CACNA1C: variants seen among roughly 807,000 people sequenced by gnomAD.
CACNA1C encodes voltage-dependent L-type calcium channel subunit alpha-1C.
A neutral mutation model predicts 229.0 loss-of-function variants in CACNA1C; 30 were observed. The observed-to-expected ratio is 0.13, with a 90% CI of 0.10 to 0.18. The LOEUF (loss-of-function observed/expected upper bound fraction) is 0.18, where lower values mean the gene tolerates loss of function less well. Ranked by LOEUF, CACNA1C falls within the 10% of genes least tolerant of loss-of-function variation. The probability of loss-of-function intolerance (pLI) is 1.00; values close to 1 mark genes in which losing one functional copy is unlikely to be tolerated. For missense variants in CACNA1C, 1,658 were observed against 2,845.0 expected (o/e 0.58, Z 9.49); for synonymous variants, 1,114 against 1,132.5 (o/e 0.98, Z 0.33).
intron 13 of CACNA1C, among the ~76,000 whole-genome samples, chr12:2,568,389 C>T (rs778005300): frequency 1.4e-4 from 21 of 152,100 alleles, no homozygotes; most frequent in Admixed American, 4.6e-4. Context: ...GTGCAGCCAC[C>T]GTGGGAAATG....
intron 8 of CACNA1C, among the ~76,000 whole-genome samples, chr12:2,507,061 A>T (rs1055003350): frequency 6.6e-6 from 1 of 152,202 alleles, no homozygotes; most frequent in Non-Finnish European, 1.5e-5. Flanking sequence ...CCAAACCTGG[A>T]GCTTAGTAAT....
Position 1,999,318 on chromosome 12 carries a change from A to G in CACNA1C, c.139+28117A>G, listed in dbSNP as rs1189602318. On this transcript the variant is annotated intron_variant, in intron 1 of 46. Coordinates refer to the CACNA1C transcript ENST00000682462. Reference sequence around the variant, plus strand: ...CAAAATCCATTATGGCACAAATCATATCAAGCTATTATCAAGAGTAAATGG... The same window carrying G: ...CAAAATCCATTATGGCACAAATCATGTCAAGCTATTATCAAGAGTAAATGG... Among the ~76,000 whole-genome samples, 4 of 152,270 alleles carry G rather than the reference A, an allele frequency of 2.6e-5. No individual in the cohort carries two copies. The East Asian group carries it at 7.7e-4, about 29-fold the overall frequency.
At chr12:2,470,246 A>G (rs1040545256) in intron 5 of CACNA1C, among the ~76,000 whole-genome samples, 1 of 152,216 alleles carries the variant, frequency 6.6e-6, no homozygotes, top group African/African-American at 2.4e-5. Flanking sequence ...CACAAGAGAC[A>G]AGAGGGCTTC....
At chr12:2,062,404 G>A (rs948716524) in intron 1 of CACNA1C, among the ~76,000 whole-genome samples, 1 of 152,218 alleles carries the variant, frequency 6.6e-6, no homozygotes, top group African/African-American at 2.4e-5. Context: ...TTGGGGCTGG[G>A]AATTAAATTC....
rs1430291291 is a variant in CACNA1C, at chr12:2,677,669, T to G, written c.4957-64T>G. On this transcript the variant is annotated intron_variant, in intron 40 of 46. Transcript: ENST00000399655. The surrounding 1 kb of genome is among the most constrained non-coding windows in gnomAD (Gnocchi z 7.4). ...AGGGACAGGTCTTGGCCCGAGGCTG[T>G]GGCTGGCTGGGGAGCTTGGAGGAAA... 1 of 1,564,606 alleles carries G rather than the reference T, an allele frequency of 6.4e-7. No individual in the cohort carries two copies. Among genetic ancestry groups the G allele is most frequent in the African/African-American group, 1.4e-5 (1 of 73,674 alleles).
intron 9 of CACNA1C, among the ~76,000 whole-genome samples, chr12:2,536,405 G>T (rs1021739684): frequency 6.6e-6 from 1 of 152,160 alleles, no homozygotes; most frequent in African/African-American, 2.4e-5. Context: ...TCCGTGATGT[G>T]CATCAATGGT....
chr12:2,503,260 C>T (rs74053462), intron 7 of CACNA1C, among the ~76,000 whole-genome samples: 10,566 of 152,206 alleles, frequency 0.069, 1,248 homozygotes, highest in African/African-American at 0.24. Flanking sequence ...AGCTGTTCGT[C>T]CGTGGGCCAC....
intron 4 of CACNA1C, among the ~76,000 whole-genome samples, chr12:2,450,718 C>T (rs1040102079): frequency 7.9e-5 from 12 of 152,074 alleles, no homozygotes; most frequent in African/African-American, 2.9e-4. Flanking sequence ...CAAGTGGCTG[C>T]CACCTTGGAC....
In CACNA1C at chr12:2,029,301, A is replaced by G. The variant is rs2047839257; in HGVS notation, c.139+58100A>G. On this transcript the variant is annotated intron_variant, in intron 1 of 46. Transcript: ENST00000682462. The surrounding 1 kb of genome is among the most constrained non-coding windows in gnomAD (Gnocchi z 4.9). ...AAAATTGAGGTGTGATTCATTTCAC[A>G]TAAAATTAACCTGTGTACAATGTGA... is the stretch of plus-strand genomic sequence containing the variant. 6.6e-6 allele frequency among the ~76,000 whole-genome samples: 1 copy of G among 152,198 alleles called. No homozygotes were observed. The highest frequency in any genetic ancestry group is 2.1e-4 in the South Asian group (1 of 4,818).
At chr12:2,528,790 C>T (rs915515111) in intron 9 of CACNA1C, among the ~76,000 whole-genome samples, 5 of 152,126 alleles carry the variant, frequency 3.3e-5, no homozygotes, top group African/African-American at 9.7e-5. Context: ...AAAGTGAGGC[C>T]GTCGGTTATC....
At chr12:2,464,577 G>T (rs1468468788) in intron 5 of CACNA1C, among the ~76,000 whole-genome samples, 1 of 152,174 alleles carries the variant, frequency 6.6e-6, no homozygotes, top group Non-Finnish European at 1.5e-5. Context: ...TTTAATCCTG[G>T]TTAATGTGAT....
upstream of CACNA1C, among the ~76,000 whole-genome samples, chr12:2,052,566 C>CG (rs1565385344): frequency 6.8e-6 from 1 of 146,354 alleles, no homozygotes; most frequent in African/African-American, 2.5e-5. Context: ...CAGGCCGGCG[C>CG]GGGGGGCGCG....
At position 2,379,742 on chromosome 12, in the gene CACNA1C, A is replaced by G. The variant is rs925155379; in HGVS notation, c.478-69234A>G. Among the ~76,000 whole-genome samples the G allele has an allele frequency of 3.4e-4, 52 of 152,162 alleles. 1 individual carries two copies. Among genetic ancestry groups the G allele is most frequent in the Non-Finnish European group, 5.9e-5 (4 of 68,038 alleles). ...TGATGCGGGACATAATAATATAAATAAAGACATGGCCGGGCGCGGTGGCTC... is the reference window on the plus strand; with the variant it reads ...TGATGCGGGACATAATAATATAAATGAAGACATGGCCGGGCGCGGTGGCTC... On this transcript the variant is annotated intron_variant, in intron 3 of 46. Coordinates refer to ENST00000399655, the MANE Select transcript of CACNA1C (RefSeq NM_000719.7).
intron 5 of CACNA1C, among the ~76,000 whole-genome samples, chr12:2,465,000 C>T (rs371955280): frequency 6.6e-6 from 1 of 152,320 alleles, no homozygotes; most frequent in East Asian, 1.9e-4. Flanking sequence ...ACTCTGTACC[C>T]TTAGGGAAGT....
intron 3 of CACNA1C, among the ~76,000 whole-genome samples, chr12:2,194,848 C>T (rs1411431190): frequency 2.0e-5 from 3 of 152,100 alleles, no homozygotes; most frequent in South Asian, 2.1e-4. Flanking sequence ...ACCCTGCATC[C>T]GTATTGGAAT....
chr12:2,310,534 T>C (rs1033589766), intron 3 of CACNA1C, among the ~76,000 whole-genome samples: 13 of 152,108 alleles, frequency 8.5e-5, no homozygotes, highest in Non-Finnish European at 1.5e-5. Context: ...CATTTGGAAA[T>C]TCGACTTCCA....
intron 3 of CACNA1C, among the ~76,000 whole-genome samples, chr12:2,147,489 G>A (rs1013771893): frequency 6.6e-6 from 1 of 151,258 alleles, no homozygotes; most frequent in African/African-American, 2.4e-5. Flanking sequence ...AGAATTATCT[G>A]CTATTAAATA....
chr12:2,300,470 A>T lies in CACNA1C; in HGVS notation c.478-148506A>T, dbSNP rs113455824. On this transcript the variant is annotated intron_variant, in intron 3 of 46. Coordinates refer to ENST00000399655, the MANE Select transcript of CACNA1C (RefSeq NM_000719.7). Reference sequence around the variant, plus strand: ...ATCCTGTCTCTACTAAAAATAAAAAAAAAAAATTAGCTGGGCGTGGTGGCA... The same window carrying T: ...ATCCTGTCTCTACTAAAAATAAAAATAAAAAATTAGCTGGGCGTGGTGGCA... Among the ~76,000 whole-genome samples the T allele has an allele frequency of 4.9e-3, 747 of 152,220 alleles. 12 individuals carry two copies. The highest frequency in any genetic ancestry group is 0.018 in the African/African-American group (728 of 41,534).
chr12:1,974,760 A>G (rs1260290724), intron 1 of CACNA1C, among the ~76,000 whole-genome samples: 2 of 152,206 alleles, frequency 1.3e-5, no homozygotes, highest in Non-Finnish European at 2.9e-5. Flanking sequence ...ATTTAGATGC[A>G]TGTCAGTCAT....
Sources: gnomAD v4.1 joint callset for allele counts (sites outside exome capture counted in the v4.1 genomes callset) on GRCh38, gnomAD v4.1.1 for gene constraint, Gnocchi (gnomAD v3.1) non-coding constraint, MANE v1.5 for transcripts, NCBI Gene and HGNC (gene_info 2026-07-23, HGNC 2026-07-21) for gene names.